Variants in FCF1 observed in about 807,000 individuals in gnomAD.
FCF1 encodes the protein rRNA-processing protein FCF1 homolog.
Under a neutral mutation model 32.5 loss-of-function variants are expected in FCF1, and 17 were observed. The ratio of observed to expected loss-of-function variants is 0.52; its 90% CI spans 0.36 to 0.78. FCF1 has a LOEUF of 0.78. Ranked by LOEUF, FCF1 falls within the 30% of genes least tolerant of loss-of-function variation. The probability of loss-of-function intolerance (pLI) is 0.00; values close to 1 mark genes in which losing one functional copy is unlikely to be tolerated. For synonymous variants in FCF1, 84 were observed against 78.4 expected, an observed-to-expected ratio of 1.07 and a Z score of -0.38; for missense variants, 201 against 241.1, an observed-to-expected ratio of 0.83 and a Z score of 1.10.
At chr14:74,731,357 T>C (rs2090634856) in intron 5 of FCF1, among the ~76,000 whole-genome samples, 1 of 152,014 alleles carries the variant, frequency 6.6e-6, no homozygotes, top group Non-Finnish European at 1.5e-5. Flanking sequence ...ATTTCAGGAG[T>C]AAAGAGATAA....
At chr14:74,723,424 CAGTT>C (rs2090532850) in intron 5 of FCF1, 80 bp downstream of exon 5, 4 of 1,054,670 alleles carry the variant, frequency 3.8e-6, no homozygotes, top group African/African-American at 3.3e-5. Flanking sequence ...ATTTCTTGGC[CAGTT>C]AGTTGTGAAA....
At position 74,738,394 on chromosome 14, in the gene FCF1, A is replaced by C. The variant is rs2090725426; in HGVS notation, c.*3464A>C. 6.6e-6 allele frequency: 1 copy of C among 152,234 alleles called. No homozygotes were observed. Among genetic ancestry groups the C allele is most frequent in the Non-Finnish European group, 1.5e-5 (1 of 68,048 alleles). The allele number at this position is 152,234 out of a possible 1,614,324, so 9.4% of individuals were successfully genotyped here. A position where few individuals can be genotyped will look rare whatever the true frequency, so the allele number is the denominator to read the frequency against. ...TCACCTTTGGATAGAATTCTTAAGC[A>C]GAATCTAAAAAGATTGAAGAGTTTG... On this transcript the variant is annotated 3_prime_UTR_variant, in exon 8 of 8. Coordinates refer to ENST00000341162, the MANE Select transcript of FCF1 (RefSeq NM_015962.5).
At chr14:74,725,496 A>C (rs1387877928) in intron 5 of FCF1, among the ~76,000 whole-genome samples, 1 of 150,356 alleles carries the variant, frequency 6.7e-6, no homozygotes, top group Non-Finnish European at 1.5e-5. Context: ...AAAAAAAAAA[A>C]AAAAAAAAAA....
At position 74,723,163 on chromosome 14, in the gene FCF1, T is replaced by A. The variant is rs889144935; in HGVS notation, c.293-109T>A. On this transcript the variant is annotated intron_variant, in intron 4 of 7. Coordinates refer to ENST00000341162, the MANE Select transcript of FCF1 (RefSeq NM_015962.5). ...GTATATTTCAGTGTGCTAATTCTGCTGTCATTGCAAAAGTGTCCTGGGTCT... is the reference window on the plus strand; with the variant it reads ...GTATATTTCAGTGTGCTAATTCTGCAGTCATTGCAAAAGTGTCCTGGGTCT... 8.0e-6 allele frequency: 6 copies of A among 748,524 alleles called. No homozygotes were observed. In the African/African-American group the frequency reaches 1.1e-4, roughly 13 times the overall value. The allele number at this position is 748,524 out of a possible 1,614,324, so 46.4% of individuals were successfully genotyped here. A position where few individuals can be genotyped will look rare whatever the true frequency, so the allele number is the denominator to read the frequency against.
chr14:74,714,734 A>C, intron 2 of FCF1, 138 bp from the exon 3 acceptor site: 2 of 1,169,114 alleles, frequency 1.7e-6, no homozygotes, highest in Non-Finnish European at 2.4e-6. Context: ...GAGTATGCTG[A>C]TATTAACATG....
intron 5 of FCF1, among the ~76,000 whole-genome samples, chr14:74,725,774 A>G (rs995639690): frequency 6.6e-6 from 1 of 151,912 alleles, no homozygotes; most frequent in Non-Finnish European, 1.5e-5. Flanking sequence ...CTCTACTAAA[A>G]ATACAAAAAA....
chr14:74,734,812 T>C, intron 7 of FCF1, 70 bp from the exon 8 acceptor site: 1 of 1,307,832 alleles, frequency 7.6e-7, no homozygotes, highest in Non-Finnish European at 1.1e-6. Flanking sequence ...TTGCAGTCTA[T>C]AAAGGATGGG....
chr14:74,722,239 GGTTTCACCAT>G (rs2090514220), intron 4 of FCF1, among the ~76,000 whole-genome samples: 1 of 151,726 alleles, frequency 6.6e-6, no homozygotes, highest in South Asian at 2.1e-4. Context: ...AGTAGAGACG[GGTTTCACCAT>G]GTTGGCCAGG....
At chr14:74,722,820 G>C (rs1456060871) in intron 4 of FCF1, among the ~76,000 whole-genome samples, 2 of 151,688 alleles carry the variant, frequency 1.3e-5, no homozygotes, top group Non-Finnish European at 2.9e-5. Context: ...GTGCGTACCT[G>C]TGGTCCTCGC....
intron 4 of FCF1, among the ~76,000 whole-genome samples, chr14:74,718,609 G>T (rs1044317123): frequency 5.9e-5 from 9 of 152,154 alleles, no homozygotes; most frequent in African/African-American, 2.2e-4. Flanking sequence ...GAGTAGCTGG[G>T]ATTATAGGTG....
chr14:74,717,088 G>A (rs1262562644), intron 4 of FCF1, among the ~76,000 whole-genome samples: 6 of 152,112 alleles, frequency 3.9e-5, no homozygotes, highest in African/African-American at 7.2e-5. Flanking sequence ...CAGCACTCGC[G>A]GTGGCTCACG....
chr14:74,718,766 C>T (rs917109746), intron 4 of FCF1, among the ~76,000 whole-genome samples: 14 of 152,042 alleles, frequency 9.2e-5, no homozygotes, highest in Non-Finnish European at 1.6e-4. Context: ...GCCACCACGC[C>T]TGGCCAGTAT....
At chr14:74,733,632 C>G (rs1274055970) in intron 6 of FCF1, among the ~76,000 whole-genome samples, 1 of 152,094 alleles carries the variant, frequency 6.6e-6, no homozygotes, top group African/African-American at 2.4e-5. Flanking sequence ...GGATAGCTTA[C>G]CTCTAACATC....
At chr14:74,727,867 C>A (rs1292394764) in intron 5 of FCF1, among the ~76,000 whole-genome samples, 1 of 152,088 alleles carries the variant, frequency 6.6e-6, no homozygotes, top group Non-Finnish European at 1.5e-5. Flanking sequence ...AATAGGGAAT[C>A]CTTTCCCCAT....
At chr14:74,720,433 C>T (rs2090485450) in intron 4 of FCF1, among the ~76,000 whole-genome samples, 1 of 152,152 alleles carries the variant, frequency 6.6e-6, no homozygotes, top group South Asian at 2.1e-4. Context: ...CTGGACATTT[C>T]ATAAAAATAG....
rs200495320 is a variant in FCF1, at chr14:74,716,125, G to A, written c.292+26G>A. The A allele has an allele frequency of 3.6e-4, 577 of 1,603,912 alleles. 1 individual carries two copies. The African/African-American group carries it at 6.0e-3, about 17-fold the overall frequency. The stretch of plus-strand genomic sequence containing the variant: ...GTGAGTATCATACTTTTATGTTTCC[G>A]TGACATTTGTTCAGAATAATTATAT... On this transcript the variant is annotated intron_variant, in intron 4 of 7. Coordinates refer to ENST00000341162, the MANE Select transcript of FCF1 (RefSeq NM_015962.5).
Position 74,734,977 on chromosome 14 carries a change from T to A in FCF1, c.*47T>A. On this transcript the variant is annotated 3_prime_UTR_variant, in exon 8 of 8. Coordinates refer to ENST00000341162, the MANE Select transcript of FCF1 (RefSeq NM_015962.5). ...CTGCCTTTCTTCGACCAACTTTCTCTTGTTGCCAGTTCATTACACAAAATG... is the reference window on the plus strand; with the variant it reads ...CTGCCTTTCTTCGACCAACTTTCTCATGTTGCCAGTTCATTACACAAAATG... The A allele has an allele frequency of 6.8e-7, 1 of 1,475,880 alleles. No individual in the cohort carries two copies. Among genetic ancestry groups the A allele is most frequent in the South Asian group, 1.1e-5 (1 of 88,190 alleles). 91.4% of individuals were successfully genotyped at this position (1,475,880 alleles called of 1,614,324 possible). A position where few individuals can be genotyped will look rare whatever the true frequency, so the allele number is the denominator to read the frequency against.
chr14:74,734,205 A>G (rs1397487446), intron 7 of FCF1, 35 bp downstream of exon 7: 1 of 1,174,814 alleles, frequency 8.5e-7, no homozygotes, highest in Admixed American at 1.7e-5. Flanking sequence ...GAATAGAAAT[A>G]TATAATTGAT....
At chr14:74,722,315 T>C (rs995720113) in intron 4 of FCF1, among the ~76,000 whole-genome samples, 7 of 152,168 alleles carry the variant, frequency 4.6e-5, no homozygotes, top group Non-Finnish European at 1.0e-4. Flanking sequence ...CCCAAAGTGC[T>C]GGGATTATAG....
Sources: gnomAD v4.1 joint callset for allele counts (sites outside exome capture counted in the v4.1 genomes callset) on GRCh38, gnomAD v4.1.1 for gene constraint, MANE v1.5 for transcripts, NCBI Gene and HGNC (gene_info 2026-07-23, HGNC 2026-07-21) for gene names.